The following EFHC1 variants were observed in gnomAD, a reference collection of about 807,000 sequenced individuals.
The protein encoded by EFHC1 is EF-hand domain containing 1.
Under a neutral mutation model 69.9 loss-of-function variants are expected in EFHC1, and 53 were observed. That is an observed-to-expected ratio of 0.76 (90% CI 0.61 to 0.95). EFHC1 has a LOEUF of 0.95. Among genes scored for constraint, EFHC1 ranks in the 40% least tolerant of loss-of-function variants. The pLI is 0.00. For synonymous variants in EFHC1, 256 were observed against 278.4 expected (o/e 0.92, Z 0.80); for missense variants, 739 against 798.7 (o/e 0.93, Z 0.90).
At chr6:52,460,321 A>G (rs1765136652) in intron 5 of EFHC1, among the ~76,000 whole-genome samples, 1 of 152,226 alleles carries the variant, frequency 6.6e-6, no homozygotes. Context: ...ATTAATATAA[A>G]TACAATATAA....
intron 3 of EFHC1, among the ~76,000 whole-genome samples, 191 bp downstream of exon 3, chr6:52,438,782 A>G (rs1233927416): frequency 6.6e-6 from 1 of 152,206 alleles, no homozygotes; most frequent in Non-Finnish European, 1.5e-5. Context: ...TAATTTTTTC[A>G]GAATGATATT....
rs559446402 is a variant in EFHC1, at chr6:52,426,594, C to T, written c.285+2427C>T. Among the ~76,000 whole-genome samples the T allele has an allele frequency of 3.3e-4, 50 of 152,280 alleles. No individual in the cohort carries two copies. In the South Asian group the frequency reaches 6.0e-3, roughly 18 times the overall value. ...TCATTGAGACTCCAGATCTGTATCC[C>T]CCTGGCCCATGGGATATCTTCACCT... On this transcript the variant is annotated intron_variant, in intron 2 of 10. Coordinates refer to ENST00000371068, the MANE Select transcript of EFHC1 (RefSeq NM_018100.4).
intron 2 of EFHC1, chr6:52,430,338 CT>C (rs1254482003): frequency 6.6e-6 from 1 of 152,306 alleles, no homozygotes; most frequent in African/African-American, 2.4e-5. Context: ...ATTATGTTGG[CT>C]GTGGGTCTGT....
chr6:52,490,016 C>T, intron 9 of EFHC1, 124 bp from the exon 10 acceptor site: 1 of 884,328 alleles, frequency 1.1e-6, no homozygotes, highest in South Asian at 1.4e-5. Flanking sequence ...AGTTATTGGT[C>T]AGCTCAGTCT....
intron 2 of EFHC1, chr6:52,430,455 A>G (rs1025733033): frequency 1.3e-5 from 2 of 152,130 alleles, no homozygotes; most frequent in Admixed American, 6.6e-5. Context: ...TTCTGCATCT[A>G]TTGAGATGAT....
At chr6:52,455,024 C>T (rs1285114926) in intron 5 of EFHC1, among the ~76,000 whole-genome samples, 2 of 151,660 alleles carry the variant, frequency 1.3e-5, no homozygotes, top group Non-Finnish European at 2.9e-5. Flanking sequence ...CCTGGGAGGT[C>T]GAGGCTGCGG....
chr6:52,445,186 CT>C (rs1173308115), intron 3 of EFHC1, among the ~76,000 whole-genome samples: 4 of 150,224 alleles, frequency 2.7e-5, no homozygotes, highest in Non-Finnish European at 5.9e-5. Flanking sequence ...ATTCTTCTCT[CT>C]TTTCTTCTTT....
intron 5 of EFHC1, among the ~76,000 whole-genome samples, chr6:52,462,291 G>T (rs1262828872): frequency 6.6e-6 from 1 of 151,544 alleles, no homozygotes; most frequent in Non-Finnish European, 1.5e-5. Flanking sequence ...AAAAAAAAGA[G>T]GTACTTGGAG....
intron 3 of EFHC1, among the ~76,000 whole-genome samples, chr6:52,438,838 T>A (rs1461469041): frequency 6.6e-6 from 1 of 152,198 alleles, no homozygotes; most frequent in East Asian, 1.9e-4. Flanking sequence ...GCTGAATAAT[T>A]TGGTAAGAAA....
At chr6:52,484,302 T>G (rs1375131537) in intron 9 of EFHC1, 2 of 152,242 alleles carry the variant, frequency 1.3e-5, no homozygotes, top group African/African-American at 2.4e-5. Context: ...TTTATGTGTT[T>G]ATATCTATTG....
chr6:52,435,638 A>T (rs1368656103), intron 2 of EFHC1, among the ~76,000 whole-genome samples: 2 of 152,162 alleles, frequency 1.3e-5, no homozygotes, highest in African/African-American at 2.4e-5. Context: ...ATTACTGCAG[A>T]CCTGGACTAT....
At chr6:52,481,139 T>C (rs1765665525) in intron 9 of EFHC1, among the ~76,000 whole-genome samples, 1 of 151,994 alleles carries the variant, frequency 6.6e-6, no homozygotes, top group African/African-American at 2.4e-5. Context: ...GGAGAAGTGG[T>C]CTGATTTGGA....
chr6:52,478,458 G>T (rs1200232671), intron 7 of EFHC1, among the ~76,000 whole-genome samples: 2 of 152,134 alleles, frequency 1.3e-5, no homozygotes. Flanking sequence ...CTACAAGGTA[G>T]TTTCTCAGAA....
rs1766022245 is a variant in EFHC1 at position 52,495,234 on chromosome 6, C to G, written c.*2893C>G. The G allele has an allele frequency of 2.2e-6, 1 of 454,002 alleles. No individual in the cohort carries two copies. Among genetic ancestry groups the G allele is most frequent in the Admixed American group, 2.3e-5 (1 of 42,562 alleles). 28.1% of individuals were successfully genotyped at this position (454,002 alleles called of 1,614,324 possible). On this transcript the variant is annotated 3_prime_UTR_variant, in exon 11 of 11. Transcript: ENST00000371068. ...GGCAGCTCAATCCCTTTCCTTTAGACTGTTTCAGGGGAGAACCAGGTACCC... is the reference window on the plus strand; with the variant it reads ...GGCAGCTCAATCCCTTTCCTTTAGAGTGTTTCAGGGGAGAACCAGGTACCC...
At chr6:52,435,742 A>G (rs1457244020) in intron 2 of EFHC1, among the ~76,000 whole-genome samples, 1 of 152,060 alleles carries the variant, frequency 6.6e-6, no homozygotes, top group African/African-American at 2.4e-5. Context: ...TGCTTCTGTT[A>G]TTACCACTGC....
rs147136510 is a variant in EFHC1, at chr6:52,447,153, A to G, written c.574-5535A>G. ...GTTCTCTTGGATAATATCCTGCAGA[A>G]TGTTTTCCAACTTGGTTACATTCTC... On this transcript the variant is annotated intron_variant, in intron 3 of 10. Coordinates refer to ENST00000371068, the MANE Select transcript of EFHC1 (RefSeq NM_018100.4). Among the ~76,000 whole-genome samples the G allele has an allele frequency of 5.5e-3, 845 of 152,312 alleles. 7 individuals carry two copies. Among genetic ancestry groups the G allele is most frequent in the African/African-American group, 0.019 (794 of 41,568 alleles).
intron 6 of EFHC1, chr6:52,468,908 C>T (rs1263700381): frequency 5.3e-6 from 1 of 190,046 alleles, no homozygotes; most frequent in Non-Finnish European, 1.1e-5. Flanking sequence ...TGAAGAAATA[C>T]TCTGTTATGG....
intron 4 of EFHC1, chr6:52,453,324 T>G: frequency 7.8e-7 from 1 of 1,287,300 alleles, no homozygotes. Context: ...GAGTCCAGAA[T>G]GTTCTGAGCA....
intron 3 of EFHC1, among the ~76,000 whole-genome samples, chr6:52,450,900 G>C (rs754094673): frequency 5.3e-5 from 8 of 152,190 alleles, no homozygotes; most frequent in Non-Finnish European, 1.0e-4. Context: ...CCAGGCTCAA[G>C]TGATTCTCCT....
Sources: gnomAD v4.1 joint callset for allele counts (sites outside exome capture counted in the v4.1 genomes callset) on GRCh38, gnomAD v4.1.1 for gene constraint, MANE v1.5 for transcripts, NCBI Gene and HGNC (gene_info 2026-07-23, HGNC 2026-07-21) for gene names.